SLC8A1: variants seen among roughly 807,000 people sequenced by gnomAD.
SLC8A1 encodes sodium/calcium exchanger 1.
SLC8A1 carries 18 observed loss-of-function variants against 68.3 expected under a neutral mutation model. The observed-to-expected ratio is 0.26, with a 90% CI of 0.18 to 0.39. The LOEUF is 0.39. Among genes scored for constraint, SLC8A1 ranks in the 10% least tolerant of loss-of-function variants. SLC8A1 has a pLI of 1.00. For missense variants in SLC8A1, 985 were observed against 1,156.7 expected (o/e 0.85, Z 2.15); for synonymous variants, 475 against 415.5 (o/e 1.14, Z -1.74).
At chr2:40,425,238 T>C (rs879599503) in intron 2 of SLC8A1, among the ~76,000 whole-genome samples, 1 of 151,896 alleles carries the variant, frequency 6.6e-6, no homozygotes, top group Non-Finnish European at 1.5e-5. Context: ...AAGCATCACT[T>C]ATCACTTATC....
chr2:40,358,649 T>C lies in SLC8A1; in HGVS notation c.1808+69824A>G, dbSNP rs1164165052. 2.6e-5 allele frequency among the ~76,000 whole-genome samples: 4 copies of C among 152,214 alleles called. No homozygotes were observed. The East Asian group carries it at 5.8e-4, about 22-fold the overall frequency. On this transcript the variant is annotated intron_variant, in intron 2 of 7. Coordinates refer to ENST00000406785, the Ensembl canonical transcript of SLC8A1. The stretch of plus-strand genomic sequence containing the variant: ...TGCATGTAGTCATTCACCCATTCAA[T>C]TGATTGATTCATTAATTCACTCATT...
chr2:40,157,293 T>C (rs558535102), intron 6 of SLC8A1, among the ~76,000 whole-genome samples: 216 of 152,282 alleles, frequency 1.4e-3, no homozygotes, highest in African/African-American at 5.0e-3. Flanking sequence ...AAAGCAGTTA[T>C]CTCTACTTTA....
rs1040394605 is a variant in SLC8A1, at chr2:40,378,662, C to A, written c.1808+49811G>T. ...CCTTTCCTGTGGAAGAGAAAGCTGCCCGTCATCTGCAGAGAAAGAGGAATG... is the reference window on the plus strand; with the variant it reads ...CCTTTCCTGTGGAAGAGAAAGCTGCACGTCATCTGCAGAGAAAGAGGAATG... On this transcript the variant is annotated intron_variant, in intron 2 of 7. Coordinates refer to ENST00000406785, the Ensembl canonical transcript of SLC8A1. Among the ~76,000 whole-genome samples, 5 of 152,054 alleles carry A rather than the reference C, an allele frequency of 3.3e-5. No homozygotes were observed. The South Asian group carries it at 1.0e-3, about 31-fold the overall frequency.
chr2:40,271,000 T>C (rs1004619729), intron 2 of SLC8A1, among the ~76,000 whole-genome samples: 1 of 152,284 alleles, frequency 6.6e-6, no homozygotes, highest in African/African-American at 2.4e-5. Context: ...TCCTGAGGTA[T>C]ACCCTAATCT....
At chr2:40,158,199 A>C (rs945503442) in intron 6 of SLC8A1, among the ~76,000 whole-genome samples, 2 of 152,204 alleles carry the variant, frequency 1.3e-5, no homozygotes, top group African/African-American at 4.8e-5. Flanking sequence ...TAGCCATGAA[A>C]TTTTAAAATC....
intron 2 of SLC8A1, among the ~76,000 whole-genome samples, chr2:40,321,865 G>C (rs2075239036): frequency 6.6e-6 from 1 of 152,072 alleles, no homozygotes; most frequent in South Asian, 2.1e-4. Flanking sequence ...CAAATCACCT[G>C]AGATACTAGT....
chr2:40,494,683 AT>A, intron 1 of SLC8A1, among the ~76,000 whole-genome samples: 1 of 116,160 alleles, frequency 8.6e-6, no homozygotes, highest in East Asian at 2.7e-4. Flanking sequence ...ATATATATAT[AT>A]CCAAATGGAA....
intron 2 of SLC8A1, among the ~76,000 whole-genome samples, chr2:40,337,129 C>T (rs576554885): frequency 1.3e-5 from 2 of 152,178 alleles, no homozygotes; most frequent in East Asian, 1.9e-4. Flanking sequence ...ATTGTGTAAG[C>T]GTTTTAACTA....
intron 2 of SLC8A1, among the ~76,000 whole-genome samples, chr2:40,327,615 T>C (rs1252130284): frequency 6.6e-6 from 1 of 152,124 alleles, no homozygotes; most frequent in Non-Finnish European, 1.5e-5. Flanking sequence ...GCAACATGGA[T>C]GCAGCTGGAG....
chr2:40,378,186 A>G lies in SLC8A1; in HGVS notation c.1808+50287T>C, dbSNP rs550994092. On this transcript the variant is annotated intron_variant, in intron 2 of 7. Coordinates refer to ENST00000406785, the Ensembl canonical transcript of SLC8A1. ...GAAAAACCACTGAAATGCCTAGTAT[A>G]TTTCATATTGATAAGTGCTCAGGGG... 2.6e-5 allele frequency among the ~76,000 whole-genome samples: 4 copies of G among 152,250 alleles called. No individual in the cohort carries two copies. In the South Asian group the frequency reaches 8.3e-4, roughly 32 times the overall value.
chr2:40,369,431 CTT>C (rs1475894865), intron 2 of SLC8A1, among the ~76,000 whole-genome samples: 2 of 152,068 alleles, frequency 1.3e-5, no homozygotes, highest in African/African-American at 2.4e-5. Context: ...CAGAATCTCT[CTT>C]GTTAACATGC....
chr2:40,245,208 G>T (rs934757584), intron 2 of SLC8A1, among the ~76,000 whole-genome samples: 5 of 114,422 alleles, frequency 4.4e-5, no homozygotes, highest in Admixed American at 2.0e-4. Context: ...AGAAACTTGG[G>T]ATTCTGTGAT....
chr2:40,168,353 G>T (rs1156490333), intron 4 of SLC8A1, among the ~76,000 whole-genome samples: 4 of 152,170 alleles, frequency 2.6e-5, no homozygotes, highest in Non-Finnish European at 5.9e-5. Flanking sequence ...ATAGATAGGA[G>T]GTGGTGGAAT....
chr2:40,109,122 G>C (rs931751284), exon 8 of SLC8A1: 2 of 152,152 alleles, frequency 1.3e-5, no homozygotes, highest in Non-Finnish European at 2.9e-5. Context: ...TATCTTAACT[G>C]TCAAAGTAGA....
intron 4 of SLC8A1, among the ~76,000 whole-genome samples, chr2:40,173,350 T>C (rs547776771): frequency 1.6e-4 from 25 of 152,246 alleles, no homozygotes; most frequent in South Asian, 4.2e-4. Context: ...TAGTGCACAG[T>C]TGGGGACATC....
At chr2:40,470,033 G>A (rs1335746336) in intron 1 of SLC8A1, among the ~76,000 whole-genome samples, 1 of 151,924 alleles carries the variant, frequency 6.6e-6, no homozygotes, top group East Asian at 1.9e-4. Flanking sequence ...TCGACTATTT[G>A]GTTTCCCTAA....
Position 40,263,663 on chromosome 2 carries a change from A to G in SLC8A1, c.1809-85808T>C, listed in dbSNP as rs556803674. Among the ~76,000 whole-genome samples the G allele has an allele frequency of 2.1e-4, 32 of 152,306 alleles. No individual in the cohort carries two copies. In the East Asian group the frequency reaches 2.7e-3, roughly 13 times the overall value. On this transcript the variant is annotated intron_variant, in intron 2 of 7. Transcript: ENST00000406785. The stretch of plus-strand genomic sequence containing the variant: ...TATGGAAAACTGGCTAGCCATATGT[A>G]GAAAGCTGAAACTGGATCCCTTCCT...
intron 2 of SLC8A1, among the ~76,000 whole-genome samples, chr2:40,349,786 A>G (rs897849540): frequency 6.6e-6 from 1 of 152,252 alleles, no homozygotes; most frequent in Admixed American, 6.5e-5. Context: ...CATCCTTTTA[A>G]TATTAGAATT....
chr2:40,146,947 C>G (rs1201038447), intron 6 of SLC8A1, among the ~76,000 whole-genome samples: 2 of 152,080 alleles, frequency 1.3e-5, no homozygotes, highest in Admixed American at 6.5e-5. Context: ...AGGCAACTCA[C>G]TCTCTGTTAA....
Sources: allele counts gnomAD v4.1 joint callset (sites outside exome capture counted in the v4.1 genomes callset), GRCh38; gene constraint gnomAD v4.1.1; transcripts MANE v1.5; gene names NCBI Gene and HGNC (gene_info 2026-07-23, HGNC 2026-07-21).